UBL3: variants seen among roughly 807,000 people sequenced by gnomAD.
UBL3 encodes ubiquitin like 3.
Under a neutral mutation model 18.4 loss-of-function variants are expected in UBL3, and 6 were observed. The observed-to-expected ratio is 0.33, with a 90% CI of 0.18 to 0.64. UBL3 has a LOEUF of 0.64. UBL3 is among the 30% of genes least tolerant of loss of function. The pLI is 0.76. For missense variants in UBL3, 109 were observed against 142.9 expected (o/e 0.76, Z 1.21); for synonymous variants, 49 against 46.6 (o/e 1.05, Z -0.21).
intron 1 of UBL3, among the ~76,000 whole-genome samples, chr13:29,805,205 C>T (rs1165419518): frequency 1.3e-5 from 2 of 152,144 alleles, no homozygotes; most frequent in African/African-American, 4.8e-5. Flanking sequence ...AAAACATACA[C>T]CTATATCAAA....
rs1241134167 is a variant in UBL3 at position 29,765,600 on chromosome 13, TACC to T, written c.*1652_*1654del. ...TTGACCTAATCAAGACCTTTAAAAT[TACC>T]ACCAAAATGCACTATCATTTTTTTT... On this transcript the variant is annotated 3_prime_UTR_variant, in exon 5 of 5. Coordinates refer to ENST00000380680, the MANE Select transcript of UBL3 (RefSeq NM_007106.4). 13 of 152,628 alleles carry T rather than the reference TACC, an allele frequency of 8.5e-5. No individual in the cohort carries two copies. The highest frequency in any genetic ancestry group is 1.8e-4 in the Non-Finnish European group (12 of 67,956). 9.5% of individuals were successfully genotyped at this position (152,628 alleles called of 1,614,324 possible).
chr13:29,836,009 G>A (rs1038962024), intron 1 of UBL3, among the ~76,000 whole-genome samples: 1 of 152,098 alleles, frequency 6.6e-6, no homozygotes, highest in Non-Finnish European at 1.5e-5. Context: ...AACACTCAAG[G>A]TATTTTTGGA....
chr13:29,825,813 TATG>T (rs1447378256), intron 1 of UBL3, among the ~76,000 whole-genome samples: 7 of 152,348 alleles, frequency 4.6e-5, no homozygotes, highest in Middle Eastern at 3.4e-3. Flanking sequence ...GCCCATTCAG[TATG>T]ATATTGGCTG....
chr13:29,809,432 C>T (rs1877981589), intron 1 of UBL3, among the ~76,000 whole-genome samples: 1 of 152,100 alleles, frequency 6.6e-6, no homozygotes, highest in Non-Finnish European at 1.5e-5. Flanking sequence ...AGGAAGACAG[C>T]CACCAATAAG....
chr13:29,764,635 T>C lies in UBL3; in HGVS notation c.*2620A>G, dbSNP rs772178328. 3.3e-5 allele frequency: 5 copies of C among 152,286 alleles called. No individual in the cohort carries two copies. The highest frequency in any genetic ancestry group is 6.5e-5 in the Admixed American group (1 of 15,284). The allele number at this position is 152,286 out of a possible 1,614,324, so 9.4% of individuals were successfully genotyped here. On this transcript the variant is annotated 3_prime_UTR_variant, in exon 5 of 5. Transcript: ENST00000380680. The stretch of plus-strand genomic sequence containing the variant: ...GCAAATAGTTCAGATCAGGGAGACA[T>C]GCTGAGGTTTTAATAAAGAAAAGCT...
chr13:29,832,578 A>C (rs945960538), intron 1 of UBL3, among the ~76,000 whole-genome samples: 1 of 152,186 alleles, frequency 6.6e-6, no homozygotes, highest in African/African-American at 2.4e-5. Flanking sequence ...TTCATCTAGC[A>C]GTAGACTGTA....
chr13:29,835,062 T>A (rs929074041), intron 1 of UBL3, among the ~76,000 whole-genome samples: 6 of 129,362 alleles, frequency 4.6e-5, no homozygotes, highest in Non-Finnish European at 8.1e-5. Flanking sequence ...GTACTGGTCA[T>A]GGCAGCAAAT....
intron 2 of UBL3, among the ~76,000 whole-genome samples, chr13:29,775,804 CG>C (rs1876968148): frequency 6.6e-6 from 1 of 151,878 alleles, no homozygotes; most frequent in African/African-American, 2.4e-5. Flanking sequence ...TTAGTAGAGA[CG>C]GGGTTTCACC....
At chr13:29,784,771 T>G (rs1323546838) in intron 1 of UBL3, among the ~76,000 whole-genome samples, 2 of 152,194 alleles carry the variant, frequency 1.3e-5, no homozygotes, top group African/African-American at 2.4e-5. Flanking sequence ...TCCTGTATCT[T>G]GGCTGTAGTA....
chr13:29,773,840 A>AT (rs1444796000), intron 2 of UBL3, among the ~76,000 whole-genome samples: 1 of 152,160 alleles, frequency 6.6e-6, no homozygotes, highest in Non-Finnish European at 1.5e-5. Flanking sequence ...TGTTAGTAAT[A>AT]TTTCCACTAA....
chr13:29,805,643 A>G (rs192617965), intron 1 of UBL3, among the ~76,000 whole-genome samples: 2 of 152,226 alleles, frequency 1.3e-5, no homozygotes, highest in Non-Finnish European at 2.9e-5. Context: ...TTGCCCTCCC[A>G]TATTTTTAAT....
intron 3 of UBL3, among the ~76,000 whole-genome samples, chr13:29,768,251 G>A (rs1876744676): frequency 6.6e-6 from 1 of 151,992 alleles, no homozygotes; most frequent in African/African-American, 2.4e-5. Context: ...AATAATCACT[G>A]TTTCCTAATC....
intron 1 of UBL3, among the ~76,000 whole-genome samples, chr13:29,788,057 C>G (rs1877369391): frequency 6.6e-6 from 1 of 152,180 alleles, no homozygotes; most frequent in South Asian, 2.1e-4. Context: ...TGAAGATCAA[C>G]TAGGCACCCG....
At chr13:29,825,187 T>C (rs1878583761) in intron 1 of UBL3, among the ~76,000 whole-genome samples, 1 of 152,196 alleles carries the variant, frequency 6.6e-6, no homozygotes, top group South Asian at 2.1e-4. Context: ...CTTGGCAATG[T>C]GGGCTCTTTT....
At chr13:29,768,105 C>G (rs1454755523) in intron 3 of UBL3, among the ~76,000 whole-genome samples, 1 of 151,910 alleles carries the variant, frequency 6.6e-6, no homozygotes, top group African/African-American at 2.4e-5. Flanking sequence ...AATTACTGCA[C>G]TGAACAGGCT....
At chr13:29,768,988 C>G (rs1876765402) in intron 3 of UBL3, among the ~76,000 whole-genome samples, 1 of 152,044 alleles carries the variant, frequency 6.6e-6, no homozygotes, top group Admixed American at 6.6e-5. Context: ...CTGCTACTTC[C>G]AACTGTGTAA....
intron 3 of UBL3, among the ~76,000 whole-genome samples, chr13:29,770,073 C>T (rs1489930908): frequency 6.6e-6 from 1 of 152,032 alleles, no homozygotes; most frequent in Non-Finnish European, 1.5e-5. Flanking sequence ...AGTTACTGAT[C>T]CTAAGTCTAA....
At chr13:29,775,629 T>G (rs911987999) in intron 2 of UBL3, among the ~76,000 whole-genome samples, 1 of 152,132 alleles carries the variant, frequency 6.6e-6, no homozygotes, top group Non-Finnish European at 1.5e-5. Flanking sequence ...GGCAATTTTT[T>G]TTTTGAGACA....
intron 1 of UBL3, among the ~76,000 whole-genome samples, chr13:29,806,488 T>C (rs1164799137): frequency 1.3e-5 from 2 of 152,232 alleles, no homozygotes; most frequent in South Asian, 4.1e-4. Context: ...TCTTAAACCA[T>C]CTCTAGGTTT....
Sources: gnomAD v4.1 joint callset for allele counts (sites outside exome capture counted in the v4.1 genomes callset) on GRCh38, gnomAD v4.1.1 for gene constraint, MANE v1.5 for transcripts, NCBI Gene and HGNC (gene_info 2026-07-23, HGNC 2026-07-21) for gene names.